Variants in DAB2IP observed in about 807,000 individuals in gnomAD.
The protein encoded by DAB2IP is DAB2 interacting protein.
DAB2IP carries 28 observed loss-of-function variants against 107.2 expected under a neutral mutation model. That is an observed-to-expected ratio of 0.26 (90% CI 0.19 to 0.36). The LOEUF (loss-of-function observed/expected upper bound fraction) is 0.36. Ranked by LOEUF, DAB2IP falls within the 10% of genes least tolerant of loss-of-function variation. The pLI is 1.00. For synonymous variants in DAB2IP, 755 were observed against 706.4 expected (o/e 1.07, Z -1.09); for missense variants, 1,400 against 1,644.7 (o/e 0.85, Z 2.57).
chr9:121,766,582 A>T (rs771165994), exon 9 of DAB2IP: 1 of 1,613,892 alleles, frequency 6.2e-7, no homozygotes, highest in East Asian at 2.2e-5. Flanking sequence ...TGAGCGGCTC[A>T]TCAGCGCCTC....
Position 121,621,765 on chromosome 9 carries a change from G to A in DAB2IP, c.40+54537G>A, listed in dbSNP as rs146681248. Among the ~76,000 whole-genome samples the A allele has an allele frequency of 5.5e-3, 806 of 146,024 alleles. 5 individuals carry two copies. The highest frequency in any genetic ancestry group is 9.3e-3 in the Non-Finnish European group (627 of 67,126). On this transcript the variant is annotated intron_variant, in intron 1 of 16. Coordinates refer to the DAB2IP transcript ENST00000259371. ...TTTTTCAAGCAATTCTCCTGCCTCC[G>A]CCTCCCAAGTAGGTGGGATTATAAG... is the stretch of plus-strand genomic sequence containing the variant.
chr9:121,699,356 T>A lies in DAB2IP; in HGVS notation c.260T>A (p.Ile87Asn), dbSNP rs764283639. Residue 87 changes from isoleucine (I) to asparagine (N), a missense_variant, in exon 3 of 16, where the codon ATC becomes AAC. Around this residue, in one of 3 missense-constraint regions of DAB2IP, gnomAD observed 283 missense variants for 237.0 expected, o/e 1.19. Coordinates refer to ENST00000408936, the Ensembl canonical transcript of DAB2IP. The surrounding 1 kb of genome is among the most constrained non-coding windows in gnomAD (Gnocchi z 6.2). ...CTCAGCCGCCGCCTCAAGGGCTCCA[T>A]CAAGCGCACCAAGAGCCAGCCCAAG... The A allele has an allele frequency of 2.1e-6, 3 of 1,433,842 alleles. No homozygotes were observed. Among genetic ancestry groups the A allele is most frequent in the Non-Finnish European group, 2.8e-6 (3 of 1,077,684 alleles). 88.8% of individuals were successfully genotyped at this position (1,433,842 alleles called of 1,614,324 possible).
intron 2 of DAB2IP, among the ~76,000 whole-genome samples, chr9:121,683,587 G>A (rs1235618911): frequency 6.6e-6 from 1 of 152,218 alleles, no homozygotes; most frequent in Non-Finnish European, 1.5e-5. Context: ...TGTCAGGGAG[G>A]GGAAGGCCCA....
chr9:121,613,695 A>G (rs1397504568), intron 1 of DAB2IP, among the ~76,000 whole-genome samples: 2 of 152,166 alleles, frequency 1.3e-5, no homozygotes, highest in African/African-American at 2.4e-5. Context: ...ACTTCTCGCA[A>G]ACTCGCGGAG....
At chr9:121,627,135 A>ACT (rs777682739) in intron 1 of DAB2IP, among the ~76,000 whole-genome samples, 1,253 of 24,698 alleles carry the variant, frequency 0.051, 4 homozygotes, top group Non-Finnish European at 0.075. Flanking sequence ...ACACACACAC[A>ACT]CACACTCACA....
chr9:121,633,281 TC>T lies in DAB2IP; in HGVS notation c.41-45394del. 6.6e-6 allele frequency among the ~76,000 whole-genome samples: 1 copy of T among 152,032 alleles called. No homozygotes were observed. The highest frequency in any genetic ancestry group is 1.5e-5 in the Non-Finnish European group (1 of 68,014). On this transcript the variant is annotated intron_variant, in intron 1 of 16. Coordinates refer to the DAB2IP transcript ENST00000259371. The surrounding 1 kb of genome is among the most constrained non-coding windows in gnomAD (Gnocchi z 5.1). ...CCTTCGAGGCCCAGAGAGAGGACAT[TC>T]CCGCTTGACCCTCCCCAGGCCTATA... is the stretch of plus-strand genomic sequence containing the variant.
chr9:121,626,992 C>T (rs909908839), intron 1 of DAB2IP, among the ~76,000 whole-genome samples: 1 of 152,168 alleles, frequency 6.6e-6, no homozygotes, highest in Middle Eastern at 3.4e-3. Flanking sequence ...CAGCCTCCCC[C>T]ACCATCAACA....
chr9:121,643,567 C>T (rs866291569), intron 1 of DAB2IP, among the ~76,000 whole-genome samples: 2 of 152,054 alleles, frequency 1.3e-5, no homozygotes, highest in African/African-American at 2.4e-5. Context: ...ATGCTTTGTT[C>T]ATTTCCACCT....
intron 1 of DAB2IP, among the ~76,000 whole-genome samples, chr9:121,646,497 C>T (rs564434094): frequency 7.0e-6 from 1 of 143,268 alleles, no homozygotes; most frequent in South Asian, 2.4e-4. Flanking sequence ...CCACCCCCCC[C>T]ACCCCGACCC....
At chr9:121,783,190 G>T (rs1232692181) in exon 16 of DAB2IP, 2 of 1,101,164 alleles carry the variant, frequency 1.8e-6, no homozygotes, top group Admixed American at 4.1e-5. Flanking sequence ...TGCCTTAGTT[G>T]TATTGCCAGA....
intron 1 of DAB2IP, among the ~76,000 whole-genome samples, chr9:121,645,505 C>T (rs1832504664): frequency 6.6e-6 from 1 of 152,178 alleles, no homozygotes; most frequent in Non-Finnish European, 1.5e-5. Flanking sequence ...AGGTGGAACC[C>T]ACCCTAATCC....
At chr9:121,584,470 G>C (rs746246039) in intron 1 of DAB2IP, among the ~76,000 whole-genome samples, 5 of 152,056 alleles carry the variant, frequency 3.3e-5, no homozygotes, top group Non-Finnish European at 7.4e-5. Flanking sequence ...AAGAACACTG[G>C]TCTAACCTCT....
upstream of DAB2IP, among the ~76,000 whole-genome samples, chr9:121,647,764 C>CAT (rs921267781): frequency 6.6e-6 from 1 of 151,402 alleles, no homozygotes; most frequent in East Asian, 1.9e-4. Context: ...TATACACACA[C>CAT]ATATATATAC....
intron 10 of DAB2IP, among the ~76,000 whole-genome samples, chr9:121,769,027 G>T (rs1019564187): frequency 2.6e-5 from 4 of 152,154 alleles, no homozygotes; most frequent in Non-Finnish European, 5.9e-5. Context: ...TTCTAGGATT[G>T]CCCTTGACCA....
At chr9:121,692,595 G>A (rs1446033384) in intron 2 of DAB2IP, among the ~76,000 whole-genome samples, 1 of 152,198 alleles carries the variant, frequency 6.6e-6, no homozygotes, top group Non-Finnish European at 1.5e-5. Context: ...GACTTAAGTA[G>A]TCTGGCTACC....
At chr9:121,588,231 C>A (rs1173613798) in intron 1 of DAB2IP, among the ~76,000 whole-genome samples, 2 of 152,114 alleles carry the variant, frequency 1.3e-5, no homozygotes, top group East Asian at 3.9e-4. Context: ...TCCTCCCCAC[C>A]CCAAGTTGCT....
intron 1 of DAB2IP, among the ~76,000 whole-genome samples, chr9:121,592,305 G>T (rs1472949757): frequency 6.6e-6 from 1 of 152,016 alleles, no homozygotes; most frequent in East Asian, 1.9e-4. Context: ...GGTGGAGGCT[G>T]CAGTGAGCCA....
Position 121,719,849 on chromosome 9 carries a change from TG to T in DAB2IP, c.362+20393del, listed in dbSNP as rs371798531. Among the ~76,000 whole-genome samples, 27 of 152,326 alleles carry T rather than the reference TG, an allele frequency of 1.8e-4. No individual in the cohort carries two copies. In the East Asian group the frequency reaches 5.0e-3, roughly 28 times the overall value. ...CCAGCAACATGACTCTCAAGTCCTC[TG>T]GTGGCCACCACCTGTTTGGGATGGG... is the stretch of plus-strand genomic sequence containing the variant. On this transcript the variant is annotated intron_variant, in intron 3 of 15. Coordinates refer to ENST00000408936, the Ensembl canonical transcript of DAB2IP.
chr9:121,663,692 C>T (rs964634544), intron 1 of DAB2IP, among the ~76,000 whole-genome samples: 6 of 152,236 alleles, frequency 3.9e-5, no homozygotes, highest in African/African-American at 1.4e-4. Context: ...CCTCCAAACT[C>T]AACATCATAA....
Sources: gnomAD v4.1 joint callset for allele counts (sites outside exome capture counted in the v4.1 genomes callset) on GRCh38, gnomAD v4.1.1 for gene constraint, gnomAD v4.1.1 regional missense constraint, Gnocchi (gnomAD v3.1) non-coding constraint, MANE v1.5 for transcripts, NCBI Gene and HGNC (gene_info 2026-07-23, HGNC 2026-07-21) for gene names.